The following DOCK6 variants were observed in gnomAD, a reference collection of about 807,000 sequenced individuals.
The protein encoded by DOCK6 is dedicator of cytokinesis 6.
A neutral mutation model predicts 230.3 loss-of-function variants in DOCK6; 167 were observed. The observed-to-expected ratio is 0.73, with a 90% CI of 0.64 to 0.82. DOCK6 has a LOEUF of 0.82. DOCK6 is among the 40% of genes least tolerant of loss of function. The pLI is 0.00. For missense variants in DOCK6, 2,598 were observed against 2,825.8 expected, an observed-to-expected ratio of 0.92 and a Z score of 1.83; for synonymous variants, 1,148 against 1,185.0, an observed-to-expected ratio of 0.97 and a Z score of 0.64.
intron 39 of DOCK6, chr19:11,205,942 G>A (rs546986105): frequency 3.2e-4 from 49 of 152,172 alleles, no homozygotes; most frequent in African/African-American, 1.1e-3. Flanking sequence ...TGAGGCCTTC[G>A]TCTCCAAGAA....
At chr19:11,221,509 C>T (rs2079578109) in intron 28 of DOCK6, 3 of 259,552 alleles carry the variant, frequency 1.2e-5, no homozygotes. Flanking sequence ...ATCATTTTCT[C>T]ACTTGGATGT....
rs758405225 is a variant in DOCK6 at position 11,243,327 on chromosome 19, A to C, written c.1317T>G (p.Ser439Arg). 8 of 1,599,478 alleles carry C rather than the reference A, an allele frequency of 5.0e-6. No homozygotes were observed. Among genetic ancestry groups the C allele is most frequent in the Non-Finnish European group, 6.8e-6 (8 of 1,173,872 alleles). ...CAGAGAAGCTGCAGGCGTCGTCCCC[A>C]CTACTCGCCCGGTCCTGGGGCCCCC... ...RRRGPQDRAS[S>R]GDDACSFSGF... The change falls in exon 12 of 48, where the codon AGT (serine) becomes AGG (arginine). Residue 439 changes from serine (S) to arginine (R), a missense_variant. Physicochemically the swap from Ser to Arg is moderately radical, Grantham distance 110. Transcript: ENST00000294618. The surrounding 1 kb of genome is among the most constrained non-coding windows in gnomAD (Gnocchi z 6.3).
chr19:11,241,540 A>G, intron 14 of DOCK6: 1 of 1,553,196 alleles, frequency 6.4e-7, no homozygotes, highest in Non-Finnish European at 8.7e-7. Flanking sequence ...ATCGGCTGCG[A>G]CAGATCCAGG....
At position 11,200,162 on chromosome 19, in the gene DOCK6, A is replaced by C. The variant is rs1364233675; in HGVS notation, c.6101+146T>G. On this transcript the variant is annotated intron_variant, in intron 47 of 47. Coordinates refer to ENST00000294618, the MANE Select transcript of DOCK6 (RefSeq NM_020812.4). The surrounding 1 kb of genome is among the most constrained non-coding windows in gnomAD (Gnocchi z 4.3). ...GGAGAGTCTCTCAAAAAAAAAAACA[A>C]AAAAAAAACCGGAAACAAAACAAAG... The C allele has an allele frequency of 1.2e-5, 11 of 911,486 alleles. No individual in the cohort carries two copies. Among genetic ancestry groups the C allele is most frequent in the African/African-American group, 6.9e-5 (4 of 57,596 alleles). 56.5% of individuals were successfully genotyped at this position (911,486 alleles called of 1,614,324 possible). A position where few individuals can be genotyped will look rare whatever the true frequency, so the allele number is the denominator to read the frequency against.
At position 11,217,281 on chromosome 19, in the gene DOCK6, C is replaced by T. The variant is rs768841490; in HGVS notation, c.3661G>A (p.Gly1221Ser). ...NPSVAMAIAG[G>S]PLAPGSRASI... The stretch of plus-strand genomic sequence containing the variant: ...GCCCGGGAGCCAGGGGCTAGGGGGC[C>T]ACCAGCAATGGCCATGGCCACAGAG... The change falls in exon 29 of 48, where the codon GGC becomes AGC. Residue 1221 changes from glycine to serine, a missense_variant. Physicochemically the swap from Gly to Ser is moderately conservative, Grantham distance 56. Coordinates refer to ENST00000294618, the MANE Select transcript of DOCK6 (RefSeq NM_020812.4). 1.4e-5 allele frequency: 22 copies of T among 1,612,938 alleles called. No individual in the cohort carries two copies. The highest frequency in any genetic ancestry group is 1.9e-5 in the Non-Finnish European group (22 of 1,179,652).
intron 14 of DOCK6, chr19:11,238,535 C>T: frequency 1.8e-6 from 1 of 551,512 alleles, no homozygotes; most frequent in East Asian, 3.0e-5. Context: ...AGATTGGGAA[C>T]AGTGTGGTAG....
intron 22 of DOCK6, chr19:11,232,258 G>T (rs1161658679): frequency 7.8e-6 from 10 of 1,289,592 alleles, no homozygotes; most frequent in Non-Finnish European, 9.1e-6. Context: ...AGCATAAGCG[G>T]AATTCACCCA....
chr19:11,200,161 A>AC lies in DOCK6; in HGVS notation c.6101+146_6101+147insG. The AC allele has an allele frequency of 6.5e-6, 5 of 774,430 alleles. No individual in the cohort carries two copies. The highest frequency in any genetic ancestry group is 2.4e-5 in the South Asian group (1 of 42,292). 48.0% of individuals were successfully genotyped at this position (774,430 alleles called of 1,614,324 possible). A position where few individuals can be genotyped will look rare whatever the true frequency, so the allele number is the denominator to read the frequency against. ...GGGAGAGTCTCTCAAAAAAAAAAAC[A>AC]AAAAAAAAACCGGAAACAAAACAAA... On this transcript the variant is annotated intron_variant, in intron 47 of 47. Coordinates refer to ENST00000294618, the MANE Select transcript of DOCK6 (RefSeq NM_020812.4). The surrounding 1 kb of genome is among the most constrained non-coding windows in gnomAD (Gnocchi z 4.3).
chr19:11,204,485 G>A (rs973915136), intron 39 of DOCK6, among the ~76,000 whole-genome samples, 154 bp from the exon 40 acceptor site: 2 of 152,084 alleles, frequency 1.3e-5, no homozygotes, highest in Non-Finnish European at 1.5e-5. Context: ...CCCAGATAGG[G>A]GTTGAGCCTT....
At chr19:11,246,944 C>T (rs978940864) in intron 7 of DOCK6, among the ~76,000 whole-genome samples, 3 of 152,194 alleles carry the variant, frequency 2.0e-5, no homozygotes, top group African/African-American at 7.2e-5. Context: ...TCCATGTACA[C>T]GTCCCCCTGC....
intron 1 of DOCK6, among the ~76,000 whole-genome samples, chr19:11,260,892 A>AAAAAAAAG (rs1423289379): frequency 4.7e-5 from 7 of 148,558 alleles, no homozygotes; most frequent in African/African-American, 1.8e-4. Context: ...CAAAAAAAAA[A>AAAAAAAAG]AAAGAAAGAA....
chr19:11,202,193 G>A lies in DOCK6; in HGVS notation c.5452-68C>T. 6.5e-7 allele frequency: 1 copy of A among 1,529,474 alleles called. No individual in the cohort carries two copies. The highest frequency in any genetic ancestry group is 1.1e-5 in the South Asian group (1 of 87,324). 94.7% of individuals were successfully genotyped at this position (1,529,474 alleles called of 1,614,324 possible). A position where few individuals can be genotyped will look rare whatever the true frequency, so the allele number is the denominator to read the frequency against. On this transcript the variant is annotated intron_variant, in intron 43 of 47. Coordinates refer to ENST00000294618, the MANE Select transcript of DOCK6 (RefSeq NM_020812.4). This position sits in a 1 kb window ranked among gnomAD's most constrained non-coding sequence, Gnocchi z 5.3. ...GCACAGCCCAAGCCCTGTTCCTGGA[G>A]AGAGGGGATCTGGGGACTTTGTCAT...
intron 2 of DOCK6, 77 bp from the exon 3 acceptor site, chr19:11,253,035 C>T (rs2080143920): frequency 4.2e-6 from 6 of 1,433,590 alleles, no homozygotes; most frequent in Admixed American, 2.2e-5. Flanking sequence ...GGTGGGTGCG[C>T]GCTGGCTTCA....
intron 7 of DOCK6, 61 bp downstream of exon 7, chr19:11,248,005 C>T: frequency 3.4e-6 from 5 of 1,459,710 alleles, no homozygotes; most frequent in Middle Eastern, 1.7e-4. Flanking sequence ...AGTGTGTACC[C>T]CGCCGGAACC....
Position 11,209,188 on chromosome 19 carries a change from G to A in DOCK6, c.4752-85C>T. The stretch of plus-strand genomic sequence containing the variant: ...TCCCACTTGTCCATTCTCTTCACTG[G>A]TTACCCCCATGTCCGCCCCAAGGAC... On this transcript the variant is annotated intron_variant, in intron 37 of 47. Transcript: ENST00000294618. 2.0e-6 allele frequency: 3 copies of A among 1,485,980 alleles called. No individual in the cohort carries two copies. The East Asian group carries it at 7.4e-5, about 37-fold the overall frequency. The allele number at this position is 1,485,980 out of a possible 1,614,324, so 92.0% of individuals were successfully genotyped here. A position where few individuals can be genotyped will look rare whatever the true frequency, so the allele number is the denominator to read the frequency against.
intron 14 of DOCK6, chr19:11,241,828 C>A: frequency 5.6e-6 from 8 of 1,417,560 alleles, no homozygotes; most frequent in Non-Finnish European, 7.7e-6. Context: ...AGAGCAGAGA[C>A]AGACGCAGGC....
At chr19:11,214,767 TTTTG>T (rs773544516) in intron 32 of DOCK6, 118 bp from the exon 33 acceptor site, 41 of 888,150 alleles carry the variant, frequency 4.6e-5, no homozygotes, top group Non-Finnish European at 6.6e-5. Context: ...CTGTTCTGTT[TTTTG>T]TTTTTGTTTT....
At chr19:11,215,974 G>T in intron 30 of DOCK6, 47 bp from the exon 31 acceptor site, 2 of 1,608,926 alleles carry the variant, frequency 1.2e-6, no homozygotes, top group East Asian at 2.2e-5. Flanking sequence ...TGCTCTTTTC[G>T]GGGGGACCTG....
chr19:11,245,086 G>A (rs2080011869), intron 9 of DOCK6, among the ~76,000 whole-genome samples: 1 of 152,196 alleles, frequency 6.6e-6, no homozygotes, highest in Non-Finnish European at 1.5e-5. Context: ...AGGCCCTGTG[G>A]TGAGGACTGA....
Sources: gnomAD v4.1 joint callset for allele counts (sites outside exome capture counted in the v4.1 genomes callset) on GRCh38, gnomAD v4.1.1 for gene constraint, Gnocchi (gnomAD v3.1) non-coding constraint, MANE v1.5 for transcripts, NCBI Gene and HGNC (gene_info 2026-07-23, HGNC 2026-07-21) for gene names.